Variants in DLC1 observed in about 807,000 individuals in gnomAD.
The protein encoded by DLC1 is rho GTPase-activating protein 7.
DLC1 carries 54 observed loss-of-function variants against 140.3 expected under a neutral mutation model. The ratio of observed to expected loss-of-function variants is 0.38; its 90% CI spans 0.31 to 0.48. The LOEUF (loss-of-function observed/expected upper bound fraction) is 0.48. DLC1 is among the 20% of genes least tolerant of loss of function. DLC1 has a pLI of 0.96. For missense variants in DLC1, 2,536 were observed against 1,907.0 expected (o/e 1.33, Z -6.14); for synonymous variants, 986 against 728.1 (o/e 1.35, Z -5.70).
At chr8:13,242,968 G>A (rs1259680082) in intron 5 of DLC1, among the ~76,000 whole-genome samples, 1 of 151,906 alleles carries the variant, frequency 6.6e-6, no homozygotes, top group Non-Finnish European at 1.5e-5. Flanking sequence ...TGGATCATGG[G>A]GTGGATTTCC....
intron 2 of DLC1, among the ~76,000 whole-genome samples, chr8:13,422,535 C>G (rs138443754): frequency 2.0e-3 from 309 of 152,076 alleles, no homozygotes; most frequent in Middle Eastern, 6.8e-3. Flanking sequence ...GAAAACTCTG[C>G]ACGTTTACTG....
At chr8:13,489,644 G>C (rs991383977) in intron 2 of DLC1, among the ~76,000 whole-genome samples, 1 of 152,050 alleles carries the variant, frequency 6.6e-6, no homozygotes, top group African/African-American at 2.4e-5. Context: ...AGATACGTGT[G>C]AGGGAAGCAG....
At chr8:13,588,692 A>C (rs1051845811) in intron 1 of DLC1, among the ~76,000 whole-genome samples, 4 of 152,162 alleles carry the variant, frequency 2.6e-5, no homozygotes, top group Non-Finnish European at 5.9e-5. Context: ...ATATAAGACA[A>C]TTCAGAAATT....
intron 1 of DLC1, among the ~76,000 whole-genome samples, chr8:13,579,438 T>TTATATTTATATTATATATTTAA (rs1804992306): frequency 4.8e-5 from 1 of 20,754 alleles, no homozygotes; most frequent in Non-Finnish European, 1.3e-4. Flanking sequence ...ATTTAATACA[T>TTATATTTATATTATATATTTAA]TATATTTTAT....
chr8:13,167,603 C>T (rs1825195125), intron 5 of DLC1, among the ~76,000 whole-genome samples: 1 of 152,136 alleles, frequency 6.6e-6, no homozygotes, highest in African/African-American at 2.4e-5. Context: ...AGAGCACAGC[C>T]TTGCTATGTG....
intron 5 of DLC1, among the ~76,000 whole-genome samples, chr8:13,187,800 T>C (rs55845015): frequency 0.14 from 21,910 of 152,186 alleles, 1,706 homozygotes; most frequent in South Asian, 0.21. Flanking sequence ...CACTGCATGT[T>C]GGACTTTTGG....
Position 13,100,027 on chromosome 8 carries a change from C to T in DLC1, c.2310G>A (p.Lys770=). The T allele has an allele frequency of 6.2e-7, 1 of 1,613,020 alleles. No homozygotes were observed. Among genetic ancestry groups the T allele is most frequent in the Non-Finnish European group, 8.5e-7 (1 of 1,180,038 alleles). The change falls in exon 9 of 18, where the codon AAG becomes AAA. Residue 770 remains lysine (K), a synonymous_variant. Coordinates refer to ENST00000276297, the MANE Select transcript of DLC1 (RefSeq NM_182643.3). ...TRTRSLSACN[K]RVGMYLEGFD... is the part of the protein sequence containing the mutation. Reference sequence around the variant, plus strand: ...AGCCCTCTAAGTACATGCCCACCCGCTTGTTGCACGCACTGAGGCTCCGGG... The same window carrying T: ...AGCCCTCTAAGTACATGCCCACCCGTTTGTTGCACGCACTGAGGCTCCGGG...
intron 5 of DLC1, among the ~76,000 whole-genome samples, chr8:13,130,268 G>C (rs568789249): frequency 2.6e-5 from 4 of 152,298 alleles, no homozygotes; most frequent in East Asian, 1.9e-4. Context: ...TGATTGGAAG[G>C]CATCTCAACT....
chr8:13,188,845 T>TATATATG (rs1826572626), intron 5 of DLC1, among the ~76,000 whole-genome samples: 1 of 23,128 alleles, frequency 4.3e-5, no homozygotes, highest in Non-Finnish European at 1.0e-4. Context: ...ATATATATAT[T>TATATATG]TTTTTTTTTT....
At chr8:13,467,453 C>CTTTTTTTT (rs10671511) in intron 2 of DLC1, among the ~76,000 whole-genome samples, 1 of 149,532 alleles carries the variant, frequency 6.7e-6, no homozygotes, top group Non-Finnish European at 1.5e-5. Context: ...TCTTATATTC[C>CTTTTTTTT]TTTTTTTTTC....
At chr8:13,524,956 G>A (rs1000583477) in intron 1 of DLC1, among the ~76,000 whole-genome samples, 3 of 152,126 alleles carry the variant, frequency 2.0e-5, no homozygotes, top group East Asian at 1.9e-4. Flanking sequence ...CATCACTGTC[G>A]AGTTTCCTCC....
chr8:13,154,465 C>T (rs1001040278), intron 5 of DLC1, among the ~76,000 whole-genome samples: 2 of 152,226 alleles, frequency 1.3e-5, no homozygotes, highest in African/African-American at 4.8e-5. Flanking sequence ...CTGCCCAGGG[C>T]CGGCGGTGCC....
intron 2 of DLC1, among the ~76,000 whole-genome samples, chr8:13,425,710 T>C (rs1293025294): frequency 6.6e-6 from 1 of 152,190 alleles, no homozygotes; most frequent in Admixed American, 6.5e-5. Flanking sequence ...GATTGTAGTT[T>C]AATGTATATA....
At chr8:13,443,513 G>T (rs1273156652) in intron 2 of DLC1, among the ~76,000 whole-genome samples, 1 of 151,742 alleles carries the variant, frequency 6.6e-6, no homozygotes, top group Non-Finnish European at 1.5e-5. Flanking sequence ...CAAAAAATTA[G>T]CCGGGCATGG....
chr8:13,580,247 C>G (rs559319406), intron 1 of DLC1, among the ~76,000 whole-genome samples: 1 of 152,014 alleles, frequency 6.6e-6, no homozygotes, highest in Non-Finnish European at 1.5e-5. Flanking sequence ...CTCAGCCTCC[C>G]GAGTAGCTGG....
chr8:13,538,741 G>A (rs1303739158), intron 1 of DLC1, among the ~76,000 whole-genome samples: 3 of 152,156 alleles, frequency 2.0e-5, no homozygotes, highest in Non-Finnish European at 4.4e-5. Context: ...AGTCACTCAG[G>A]TAATAAGTGG....
At chr8:13,086,552 G>A (rs1817581456) in intron 16 of DLC1, 89 bp from the exon 17 acceptor site, 6 of 1,488,620 alleles carry the variant, frequency 4.0e-6, no homozygotes, top group Admixed American at 2.0e-5. Flanking sequence ...TTTGCAGTGT[G>A]GTGACGGGTC....
At chr8:13,361,447 T>C (rs1835220971) in intron 4 of DLC1, among the ~76,000 whole-genome samples, 1 of 151,948 alleles carries the variant, frequency 6.6e-6, no homozygotes, top group African/African-American at 2.4e-5. Context: ...CTTTTTTATC[T>C]TTTGAGACAA....
In DLC1 at chr8:13,235,919, G is replaced by T. The variant is rs77380006; in HGVS notation, c.1348+69350C>A. ...AGAGAGATTGAAGACTAGAGCTTTT[G>T]CTACTTATTATATAAAACACTACTA... On this transcript the variant is annotated intron_variant, in intron 5 of 17. Transcript: ENST00000276297. Among the ~76,000 whole-genome samples the T allele has an allele frequency of 5.2e-3, 797 of 151,890 alleles. 11 individuals are homozygous for T. The highest frequency in any genetic ancestry group is 0.019 in the African/African-American group (770 of 41,488).
Sources: gnomAD v4.1 joint callset for allele counts (sites outside exome capture counted in the v4.1 genomes callset) on GRCh38, gnomAD v4.1.1 for gene constraint, MANE v1.5 for transcripts, NCBI Gene and HGNC (gene_info 2026-07-23, HGNC 2026-07-21) for gene names.